The following DLGAP1 variants were observed in gnomAD, a reference collection of about 807,000 sequenced individuals.
The protein encoded by DLGAP1 is disks large-associated protein 1.
Under a neutral mutation model 90.8 loss-of-function variants are expected in DLGAP1, and 11 were observed. That is an observed-to-expected ratio of 0.12 (90% confidence interval 0.08 to 0.20). The LOEUF (loss-of-function observed/expected upper bound fraction) is 0.20. Ranked by LOEUF, DLGAP1 falls within the 10% of genes least tolerant of loss-of-function variation. The probability of loss-of-function intolerance (pLI) is 1.00; values close to 1 mark genes in which losing one functional copy is unlikely to be tolerated. For missense variants in DLGAP1, 1,050 were observed against 1,333.8 expected (o/e 0.79, Z 3.31); for synonymous variants, 558 against 540.7 (o/e 1.03, Z -0.44).
chr18:4,049,429 C>G (rs541212372), intron 2 of DLGAP1, among the ~76,000 whole-genome samples: 1 of 152,204 alleles, frequency 6.6e-6, no homozygotes, highest in African/African-American at 2.4e-5. Flanking sequence ...GGCACTCATG[C>G]TGGCCGTCAC....
At chr18:4,397,967 T>C (rs1001093727) in intron 1 of DLGAP1, among the ~76,000 whole-genome samples, 1 of 152,198 alleles carries the variant, frequency 6.6e-6, no homozygotes, top group African/African-American at 2.4e-5. Flanking sequence ...ATTTTTAAGA[T>C]GTAATGACTT....
intron 3 of DLGAP1, among the ~76,000 whole-genome samples, chr18:3,893,021 A>G (rs1010387816): frequency 1.3e-5 from 2 of 151,810 alleles, no homozygotes; most frequent in South Asian, 2.1e-4. Flanking sequence ...AAAAGTGTAC[A>G]TTGTACCTAT....
intron 1 of DLGAP1, among the ~76,000 whole-genome samples, chr18:4,288,621 C>T (rs1312652711): frequency 6.6e-6 from 1 of 151,988 alleles, no homozygotes; most frequent in African/African-American, 2.4e-5. Flanking sequence ...CTGGCTGTGC[C>T]ATGTTTTCAT....
chr18:3,657,304 T>C (rs979614978), intron 7 of DLGAP1, among the ~76,000 whole-genome samples: 2 of 152,224 alleles, frequency 1.3e-5, no homozygotes, highest in Non-Finnish European at 2.9e-5. Flanking sequence ...GGTATCTGTA[T>C]GAACATACAC....
chr18:4,262,912 C>T (rs918340042), intron 1 of DLGAP1, among the ~76,000 whole-genome samples: 2 of 151,318 alleles, frequency 1.3e-5, no homozygotes, highest in African/African-American at 2.4e-5. Flanking sequence ...CACAATATTG[C>T]CTTCTATTAT....
chr18:3,681,562 A>T (rs1191457066), intron 7 of DLGAP1, among the ~76,000 whole-genome samples: 1 of 152,210 alleles, frequency 6.6e-6, no homozygotes, highest in Non-Finnish European at 1.5e-5. Context: ...GCTGGAAAAA[A>T]ATCTGCAGAT....
chr18:3,637,335 T>G (rs2058753650), intron 7 of DLGAP1, among the ~76,000 whole-genome samples: 1 of 152,002 alleles, frequency 6.6e-6, no homozygotes, highest in African/African-American at 2.4e-5. Flanking sequence ...CATCTGAGGC[T>G]CTCCTCTTGT....
In DLGAP1 at chr18:3,967,870, T is replaced by C. The variant is rs187444678; in HGVS notation, c.-73+37246A>G. ...ATGCAGATTGATCCCCACACACACA[T>C]ATAGGATAAATGTGTGCCTCTCAGC... On this transcript the variant is annotated intron_variant, in intron 3 of 12. Coordinates refer to ENST00000315677, the MANE Select transcript of DLGAP1 (RefSeq NM_004746.4). Among the ~76,000 whole-genome samples, 11 of 152,228 alleles carry C rather than the reference T, an allele frequency of 7.2e-5. No homozygotes were observed. In the East Asian group the frequency reaches 9.7e-4, roughly 13 times the overall value.
chr18:3,650,641 A>G (rs1286478281), intron 7 of DLGAP1, among the ~76,000 whole-genome samples: 1 of 152,176 alleles, frequency 6.6e-6, no homozygotes, highest in African/African-American at 2.4e-5. Flanking sequence ...CAGTTTCTAT[A>G]ATATTCCATT....
At chr18:3,626,775 G>A (rs1166333234) in intron 7 of DLGAP1, among the ~76,000 whole-genome samples, 1 of 151,866 alleles carries the variant, frequency 6.6e-6, no homozygotes, top group Non-Finnish European at 1.5e-5. Context: ...GCGTGCACCT[G>A]TAATCCCAGC....
At chr18:4,265,642 T>TC (rs1568480263) in intron 1 of DLGAP1, among the ~76,000 whole-genome samples, 1 of 21,742 alleles carries the variant, frequency 4.6e-5, no homozygotes. Flanking sequence ...TCCCTCCCCT[T>TC]CCCTCCCTCC....
chr18:4,275,467 A>G (rs1366759578), intron 1 of DLGAP1: 1 of 152,170 alleles, frequency 6.6e-6, no homozygotes, highest in Non-Finnish European at 1.5e-5. Flanking sequence ...TTACTCTAAT[A>G]TAAGTTTTTC....
chr18:3,600,718 A>ATCTGTAGC (rs1183616039), intron 7 of DLGAP1, among the ~76,000 whole-genome samples: 8 of 82,122 alleles, frequency 9.7e-5, no homozygotes, highest in Admixed American at 1.4e-4. Flanking sequence ...CTATATAGAT[A>ATCTGTAGC]TAGAGATATA....
intron 2 of DLGAP1, among the ~76,000 whole-genome samples, chr18:4,076,566 T>C (rs1307395738): frequency 6.6e-6 from 1 of 152,160 alleles, no homozygotes; most frequent in African/African-American, 2.4e-5. Context: ...ATCTCATCAT[T>C]ATATAAACTG....
At chr18:4,427,073 T>G (rs924924947) in intron 1 of DLGAP1, among the ~76,000 whole-genome samples, 1 of 152,214 alleles carries the variant, frequency 6.6e-6, no homozygotes, top group African/African-American at 2.4e-5. Context: ...TATATGAAGA[T>G]GCATGAAAAC....
intron 2 of DLGAP1, among the ~76,000 whole-genome samples, chr18:4,105,935 G>C (rs1381663977): frequency 6.6e-6 from 1 of 151,390 alleles, no homozygotes; most frequent in African/African-American, 2.4e-5. Context: ...GGGAGGCCGA[G>C]GCAGGAGAAT....
intron 1 of DLGAP1, among the ~76,000 whole-genome samples, chr18:4,323,407 AT>A (rs1568513806): frequency 6.6e-6 from 1 of 152,226 alleles, no homozygotes; most frequent in African/African-American, 2.4e-5. Context: ...GAATTAACAC[AT>A]AATCCAACAT....
intron 2 of DLGAP1, among the ~76,000 whole-genome samples, chr18:4,132,137 T>C (rs1194955979): frequency 2.6e-5 from 4 of 152,168 alleles, no homozygotes. Context: ...TGGTTTCTTT[T>C]AATTGAGGAT....
intron 5 of DLGAP1, among the ~76,000 whole-genome samples, chr18:3,773,375 C>T (rs527489293): frequency 1.1e-4 from 17 of 152,060 alleles, no homozygotes; most frequent in African/African-American, 4.1e-4. Flanking sequence ...TTTGTATATA[C>T]CAGGTGACTA....
Sources: gnomAD v4.1 joint callset for allele counts (sites outside exome capture counted in the v4.1 genomes callset) on GRCh38, gnomAD v4.1.1 for gene constraint, MANE v1.5 for transcripts, NCBI Gene and HGNC (gene_info 2026-07-23, HGNC 2026-07-21) for gene names.